Variants in MICU1 observed in about 807,000 individuals in gnomAD.
MICU1 encodes calcium uptake protein 1, mitochondrial.
Under a neutral mutation model 56.8 loss-of-function variants are expected in MICU1, and 45 were observed. That is an observed-to-expected ratio of 0.79 (90% CI 0.62 to 1.02). The LOEUF (loss-of-function observed/expected upper bound fraction) is 1.02, where lower values mean the gene tolerates loss of function less well. Among genes scored for constraint, MICU1 ranks in the 50% least tolerant of loss-of-function variants. MICU1 has a pLI of 0.00. For missense variants in MICU1, 504 were observed against 587.1 expected (o/e 0.86, Z 1.46); for synonymous variants, 186 against 195.1 (o/e 0.95, Z 0.39).
intron 4 of MICU1, among the ~76,000 whole-genome samples, chr10:72,542,387 G>C (rs900377473): frequency 2.0e-5 from 3 of 152,304 alleles, no homozygotes; most frequent in African/African-American, 7.2e-5. Flanking sequence ...AACAAAAGGA[G>C]TGAGCAGGAT....
intron 8 of MICU1, among the ~76,000 whole-genome samples, chr10:72,460,529 A>G (rs1208086250): frequency 6.6e-6 from 1 of 152,240 alleles, no homozygotes; most frequent in Non-Finnish European, 1.5e-5. Context: ...ATGAGAAATA[A>G]AAGAGACTTG....
chr10:72,494,049 C>T (rs546617332), intron 6 of MICU1, among the ~76,000 whole-genome samples: 1 of 152,234 alleles, frequency 6.6e-6, no homozygotes, highest in African/African-American at 2.4e-5. Flanking sequence ...AAGAGGTAAT[C>T]AACCCTAATC....
chr10:72,592,525 A>G (rs1374906207), intron 1 of MICU1, among the ~76,000 whole-genome samples: 4 of 152,198 alleles, frequency 2.6e-5, no homozygotes, highest in Non-Finnish European at 5.9e-5. Context: ...AGACACTACA[A>G]GAAAACTATA....
At chr10:72,375,350 C>A (rs147425674) in intron 11 of MICU1, among the ~76,000 whole-genome samples, 1 of 152,180 alleles carries the variant, frequency 6.6e-6, no homozygotes, top group Non-Finnish European at 1.5e-5. Context: ...ACAGACACAA[C>A]AGACCACTGT....
intron 8 of MICU1, among the ~76,000 whole-genome samples, chr10:72,472,266 G>A (rs184937175): frequency 6.6e-6 from 1 of 152,238 alleles, no homozygotes; most frequent in Admixed American, 6.5e-5. Context: ...GGAAAACGTC[G>A]CTAACTAGAA....
At chr10:72,494,494 C>T (rs1866771362) in intron 6 of MICU1, among the ~76,000 whole-genome samples, 1 of 151,940 alleles carries the variant, frequency 6.6e-6, no homozygotes, top group Non-Finnish European at 1.5e-5. Flanking sequence ...TTTGAAAATC[C>T]TAAGACAATG....
chr10:72,548,127 A>G (rs1839941949), intron 4 of MICU1, among the ~76,000 whole-genome samples: 1 of 152,238 alleles, frequency 6.6e-6, no homozygotes, highest in South Asian at 2.1e-4. Context: ...TCTATAGGAG[A>G]AAGCAACAGA....
intron 6 of MICU1, among the ~76,000 whole-genome samples, chr10:72,486,633 G>A (rs1354349899): frequency 6.6e-6 from 1 of 152,128 alleles, no homozygotes; most frequent in Non-Finnish European, 1.5e-5. Flanking sequence ...CACCACATCT[G>A]GCTAATTTTT....
Position 72,508,169 on chromosome 10 carries a change from G to T in MICU1, c.638C>A (p.Thr213Lys). The T allele has an allele frequency of 6.6e-7, 1 of 1,521,182 alleles. No homozygotes were observed. The highest frequency in any genetic ancestry group is 8.9e-7 in the Non-Finnish European group (1 of 1,118,690). 94.2% of individuals were successfully genotyped at this position (1,521,182 alleles called of 1,614,324 possible). The change falls in exon 6 of 12, where the codon ACA becomes AAA. Residue 213 changes from threonine to lysine, a missense_variant. Physicochemically the swap from Thr to Lys is moderately conservative, Grantham distance 78 (BLOSUM62 -1). Coordinates refer to ENST00000361114, the MANE Select transcript of MICU1 (RefSeq NM_001195518.2). ...LISFSDYIFL[T>K]TVLSTPQRNF... is the part of the protein sequence containing the mutation. The stretch of plus-strand genomic sequence containing the variant: ...TTTATACTTACTGGAAAGAACAGTT[G>T]TGAGGAAAATGTAGTCTGAAAAGGA...
At chr10:72,566,508 T>C in intron 2 of MICU1, 125 bp downstream of exon 2, 1 of 952,626 alleles carries the variant, frequency 1.0e-6, no homozygotes, top group Middle Eastern at 2.8e-4. Context: ...ATATTAACAA[T>C]ACCAAATGAT....
chr10:72,610,259 CAAAAAAAAA>C (rs386371809), intron 1 of MICU1, among the ~76,000 whole-genome samples: 4 of 118,920 alleles, frequency 3.4e-5, no homozygotes, highest in Middle Eastern at 4.4e-3. Flanking sequence ...ACATACTCTC[CAAAAAAAAA>C]AAAAAATAGT....
At chr10:72,490,142 C>T (rs987790801) in intron 6 of MICU1, among the ~76,000 whole-genome samples, 3 of 152,128 alleles carry the variant, frequency 2.0e-5, no homozygotes, top group African/African-American at 7.2e-5. Flanking sequence ...GGACTTAAGA[C>T]GCACTTTTAA....
At chr10:72,514,984 GC>G (rs1867601240) in intron 5 of MICU1, among the ~76,000 whole-genome samples, 1 of 152,154 alleles carries the variant, frequency 6.6e-6, no homozygotes, top group South Asian at 2.1e-4. Context: ...GACAAATGCT[GC>G]CCCAGTCCCC....
At chr10:72,428,807 G>A (rs1019750012) in intron 8 of MICU1, among the ~76,000 whole-genome samples, 1 of 152,184 alleles carries the variant, frequency 6.6e-6, no homozygotes, top group Admixed American at 6.5e-5. Context: ...ATATTTGACT[G>A]AGGGTGTCAG....
chr10:72,546,010 G>A (rs1015192663), intron 4 of MICU1, among the ~76,000 whole-genome samples: 1 of 152,038 alleles, frequency 6.6e-6, no homozygotes, highest in Non-Finnish European at 1.5e-5. Flanking sequence ...AGTATAATGA[G>A]GCATGTCCAA....
intron 10 of MICU1, among the ~76,000 whole-genome samples, chr10:72,381,758 C>T (rs928826425): frequency 4.6e-5 from 7 of 152,206 alleles, no homozygotes; most frequent in African/African-American, 1.4e-4. Flanking sequence ...TGGGCTTACA[C>T]GCTTAATTTG....
intron 1 of MICU1, among the ~76,000 whole-genome samples, chr10:72,580,296 A>G (rs1432955009): frequency 6.6e-6 from 1 of 152,072 alleles, no homozygotes. Flanking sequence ...GTTATTTTTT[A>G]GTGGAATGTT....
At chr10:72,619,014 A>T (rs1001159845) in intron 1 of MICU1, among the ~76,000 whole-genome samples, 3 of 152,176 alleles carry the variant, frequency 2.0e-5, no homozygotes, top group Admixed American at 6.5e-5. Context: ...CTGTTTGTTG[A>T]TATGTGGTAG....
chr10:72,493,010 G>A (rs1457373621), intron 6 of MICU1, among the ~76,000 whole-genome samples: 2 of 151,908 alleles, frequency 1.3e-5, no homozygotes, highest in African/African-American at 2.4e-5. Flanking sequence ...CCAGCTACTC[G>A]GGAGGCTGAG....
Sources: gnomAD v4.1 joint callset for allele counts (sites outside exome capture counted in the v4.1 genomes callset) on GRCh38, gnomAD v4.1.1 for gene constraint, MANE v1.5 for transcripts, NCBI Gene and HGNC (gene_info 2026-07-23, HGNC 2026-07-21) for gene names.